AP3B1: variants seen among roughly 807,000 people sequenced by gnomAD.
The protein encoded by AP3B1 is AP-3 complex subunit beta-1.
A neutral mutation model predicts 132.5 loss-of-function variants in AP3B1; 61 were observed. The observed-to-expected ratio is 0.46, with a 90% confidence interval of 0.37 to 0.57. The LOEUF (loss-of-function observed/expected upper bound fraction) is 0.57, where lower values mean the gene tolerates loss of function less well. Ranked by LOEUF, AP3B1 falls within the 20% of genes least tolerant of loss-of-function variation. The probability of loss-of-function intolerance (pLI) is 0.00; values close to 1 mark genes in which losing one functional copy is unlikely to be tolerated. For missense variants in AP3B1, 1,120 were observed against 1,289.4 expected (o/e 0.87, Z 2.01); for synonymous variants, 388 against 438.3 (o/e 0.89, Z 1.43).
chr5:78,160,023 G>C (rs1302765548), intron 13 of AP3B1, among the ~76,000 whole-genome samples: 2 of 152,176 alleles, frequency 1.3e-5, no homozygotes, highest in Non-Finnish European at 2.9e-5. Context: ...CAGGATAGCT[G>C]TAACATTCTA....
intron 2 of AP3B1, 61 bp from the exon 3 acceptor site, chr5:78,240,997 T>C: frequency 8.2e-7 from 1 of 1,223,838 alleles, no homozygotes; most frequent in Admixed American, 1.7e-5. Flanking sequence ...ATTTAGAAGA[T>C]TAGGTCAACA....
At chr5:78,012,710 G>C (rs1156722610) in intron 26 of AP3B1, among the ~76,000 whole-genome samples, 2 of 152,218 alleles carry the variant, frequency 1.3e-5, no homozygotes, top group East Asian at 3.9e-4. Flanking sequence ...TGATGATACG[G>C]CTAGAACAGA....
intron 15 of AP3B1, among the ~76,000 whole-genome samples, chr5:78,134,067 C>T (rs776622392): frequency 1.3e-5 from 2 of 149,180 alleles, no homozygotes; most frequent in Non-Finnish European, 3.0e-5. Context: ...AGGAGAATGG[C>T]GTGAACCTGG....
chr5:78,068,575 C>G (rs1456358188), intron 22 of AP3B1, among the ~76,000 whole-genome samples: 1 of 152,078 alleles, frequency 6.6e-6, no homozygotes, highest in Non-Finnish European at 1.5e-5. Context: ...AATCCCTGAA[C>G]AGATCAACAA....
intron 7 of AP3B1, among the ~76,000 whole-genome samples, chr5:78,184,847 A>C (rs963366267): frequency 6.6e-6 from 1 of 152,240 alleles, no homozygotes; most frequent in Admixed American, 6.5e-5. Context: ...TTTGGCAAAT[A>C]AAACTACAAA....
At chr5:78,159,009 T>G (rs749604242) in intron 13 of AP3B1, among the ~76,000 whole-genome samples, 1 of 152,168 alleles carries the variant, frequency 6.6e-6, no homozygotes, top group Non-Finnish European at 1.5e-5. Context: ...AGGCAAGTAT[T>G]ACTTCTATAA....
At chr5:78,072,011 A>G (rs1580310774) in intron 22 of AP3B1, among the ~76,000 whole-genome samples, 1 of 152,362 alleles carries the variant, frequency 6.6e-6, no homozygotes, top group South Asian at 2.1e-4. Context: ...TCTATGAAGC[A>G]TGAATGTCAA....
intron 7 of AP3B1, among the ~76,000 whole-genome samples, chr5:78,212,259 T>C (rs1745771605): frequency 1.3e-5 from 2 of 152,176 alleles, no homozygotes; most frequent in South Asian, 4.2e-4. Context: ...CCAGCCTGGG[T>C]GACAGAGACA....
chr5:78,181,854 C>G (rs1744386295), intron 7 of AP3B1, among the ~76,000 whole-genome samples, 192 bp from the exon 8 acceptor site: 1 of 152,076 alleles, frequency 6.6e-6, no homozygotes. Flanking sequence ...TATTTTATAA[C>G]AAGTTACTGT....
At chr5:78,240,020 C>T (rs775507736) in intron 3 of AP3B1, among the ~76,000 whole-genome samples, 4 of 152,128 alleles carry the variant, frequency 2.6e-5, no homozygotes, top group Non-Finnish European at 5.9e-5. Context: ...AAAATCATAA[C>T]TACAAAATTA....
chr5:78,218,950 G>A (rs1220812099), intron 6 of AP3B1, among the ~76,000 whole-genome samples: 2 of 151,982 alleles, frequency 1.3e-5, no homozygotes, highest in Non-Finnish European at 2.9e-5. Flanking sequence ...TCTAATAGCT[G>A]GATAATAGAT....
At chr5:78,000,998 T>A (rs1234276665), downstream of AP3B1, 1 of 151,912 alleles carries the variant, frequency 6.6e-6, no homozygotes, top group African/African-American at 2.4e-5. Context: ...CACTGATTCA[T>A]ACTACATTAT....
chr5:78,145,054 G>T (rs956324967), intron 14 of AP3B1, among the ~76,000 whole-genome samples: 1 of 152,124 alleles, frequency 6.6e-6, no homozygotes, highest in African/African-American at 2.4e-5. Flanking sequence ...CATAAATGAA[G>T]GATACGCCAA....
At chr5:78,052,638 C>T (rs1748631225) in intron 22 of AP3B1, among the ~76,000 whole-genome samples, 2 of 152,050 alleles carry the variant, frequency 1.3e-5, no homozygotes, top group South Asian at 2.1e-4. Context: ...TGGCCCTTTA[C>T]AAAAAATGTT....
chr5:78,118,345 G>A (rs527957754), intron 17 of AP3B1, among the ~76,000 whole-genome samples: 7 of 152,274 alleles, frequency 4.6e-5, no homozygotes, highest in African/African-American at 1.2e-4. Context: ...TGGGTGCAGC[G>A]CACTGTGCGC....
chr5:78,092,682 C>G (rs1358291947), intron 21 of AP3B1, among the ~76,000 whole-genome samples: 1 of 152,174 alleles, frequency 6.6e-6, no homozygotes, highest in African/African-American at 2.4e-5. Context: ...AGGAGTTTCT[C>G]TGTCACTCAG....
At chr5:78,069,056 T>C (rs1487305865) in intron 22 of AP3B1, among the ~76,000 whole-genome samples, 1 of 152,174 alleles carries the variant, frequency 6.6e-6, no homozygotes. Context: ...AAATTCAATA[T>C]TCCTTCCTGT....
chr5:78,234,904 G>C lies in AP3B1; in HGVS notation c.279+5958C>G, dbSNP rs181761928. 4.7e-4 allele frequency among the ~76,000 whole-genome samples: 71 copies of C among 152,280 alleles called. 1 individual carries two copies. In the East Asian group the frequency reaches 5.6e-3, roughly 12 times the overall value. ...TAGAAAGACACCAACATACTATGAA[G>C]AAAACAACAGGTTTTGGAAAGACTG... On this transcript the variant is annotated intron_variant, in intron 3 of 26. Transcript: ENST00000255194.
chr5:78,132,319 T>C (rs1752724191), intron 15 of AP3B1, among the ~76,000 whole-genome samples: 1 of 152,220 alleles, frequency 6.6e-6, no homozygotes. Flanking sequence ...TTGAGCTTTT[T>C]AATTTACAAC....
Sources: allele counts gnomAD v4.1 joint callset (sites outside exome capture counted in the v4.1 genomes callset), GRCh38; gene constraint gnomAD v4.1.1; transcripts MANE v1.5; gene names NCBI Gene and HGNC (gene_info 2026-07-23, HGNC 2026-07-21).